Variants in CPSF1 observed in about 807,000 individuals in gnomAD.
CPSF1 encodes cleavage and polyadenylation specificity factor subunit 1.
CPSF1 carries 106 observed loss-of-function variants against 175.8 expected under a neutral mutation model. That is an observed-to-expected ratio of 0.60 (90% CI 0.52 to 0.71). The LOEUF (loss-of-function observed/expected upper bound fraction) is 0.71. Ranked by LOEUF, CPSF1 falls within the 30% of genes least tolerant of loss-of-function variation. The probability of loss-of-function intolerance (pLI) is 0.00; values close to 1 mark genes in which losing one functional copy is unlikely to be tolerated. For missense variants in CPSF1, 1,734 were observed against 2,022.9 expected (o/e 0.86, Z 2.74); for synonymous variants, 1,024 against 858.3 (o/e 1.19, Z -3.37).
intron 2 of CPSF1, among the ~76,000 whole-genome samples, chr8:144,406,653 A>G (rs1031289006): frequency 6.6e-6 from 1 of 152,284 alleles, no homozygotes; most frequent in Non-Finnish European, 1.5e-5. Flanking sequence ...ACTCTTGCAC[A>G]CACCCTCCTG....
At position 144,395,340 on chromosome 8, in the gene CPSF1, T is replaced by C. The variant is rs1820650341; in HGVS notation, c.3112A>G (p.Thr1038Ala). The change falls in exon 28 of 38, where the codon ACC (threonine) becomes GCC (alanine). Residue 1038 changes from threonine to alanine, a missense_variant. Physicochemically the swap from Thr to Ala is moderately conservative, Grantham distance 58. Transcript: ENST00000616140. Reference sequence around the variant, plus strand: ...CGGGCACACGGCGTGTTGGTGCTGGTGGCCACAGCATACACCTGTGGGTTA... The same window carrying C: ...CGGGCACACGGCGTGTTGGTGCTGGCGGCCACAGCATACACCTGTGGGTTA... Reference protein sequence around the residue: ...HVESKVYAVATSTNTPCARIP... With the variant: ...HVESKVYAVAASTNTPCARIP... 6.2e-7 allele frequency: 1 copy of C among 1,611,610 alleles called. No homozygotes were observed. The highest frequency in any genetic ancestry group is 8.5e-7 in the Non-Finnish European group (1 of 1,179,772).
intron 2 of CPSF1, among the ~76,000 whole-genome samples, chr8:144,405,564 C>T (rs1204623219): frequency 6.6e-6 from 1 of 151,994 alleles, no homozygotes; most frequent in Non-Finnish European, 1.5e-5. Flanking sequence ...GCAGAGGTTG[C>T]AGTGAGCTGA....
At position 144,393,383 on chromosome 8, in the gene CPSF1, G is replaced by A. The variant is rs1554861960; in HGVS notation, c.4285-18C>T. On this transcript the variant is annotated intron_variant, in intron 37 of 37. Transcript: ENST00000616140. Reference sequence around the variant, plus strand: ...TCCAGGATCTGCAGGGGATGGAAGGGTGGGTGGGTGGGTGGGTGGGGATGC... The same window carrying A: ...TCCAGGATCTGCAGGGGATGGAAGGATGGGTGGGTGGGTGGGTGGGGATGC... 1.6e-5 allele frequency: 12 copies of A among 754,518 alleles called. No homozygotes were observed. The highest frequency in any genetic ancestry group is 3.9e-5 in the East Asian group (1 of 25,930). 46.7% of individuals were successfully genotyped at this position (754,518 alleles called of 1,614,324 possible). A position where few individuals can be genotyped will look rare whatever the true frequency, so the allele number is the denominator to read the frequency against.
rs782221431 is a variant in CPSF1, at chr8:144,397,198, C to T, written c.2592+9G>A. 1.8e-5 allele frequency: 28 copies of T among 1,530,162 alleles called. No individual in the cohort carries two copies. Among genetic ancestry groups the T allele is most frequent in the African/African-American group, 9.6e-5 (7 of 72,724 alleles). The allele number at this position is 1,530,162 out of a possible 1,614,324, so 94.8% of individuals were successfully genotyped here. ...GATGGGAAGGGGAGGCCAGGCCAGG[C>T]GCACTCACCAGCAGGTAGGGCCTGC... On this transcript the variant is annotated intron_variant, in intron 23 of 37. Coordinates refer to ENST00000616140, the MANE Select transcript of CPSF1 (RefSeq NM_013291.3).
chr8:144,393,329 C>T lies in CPSF1; in HGVS notation c.4321G>A (p.Ala1441Thr), dbSNP rs1240931460. 6.7e-7 allele frequency: 1 copy of T among 1,494,118 alleles called. No individual in the cohort carries two copies. Among genetic ancestry groups the T allele is most frequent in the Non-Finnish European group, 9.0e-7 (1 of 1,115,306 alleles). The allele number at this position is 1,494,118 out of a possible 1,614,324, so 92.6% of individuals were successfully genotyped here. ...DDLLETDRVTAHF is the reference protein window; with the variant it reads ...DDLLETDRVTTHF ...CGGCATCCACGGGGCTAGAAGTGGG[C>T]GGTGACGCGGTCCGTCTCCAGCAAG... The change falls in exon 38 of 38, where the codon GCC becomes ACC. Residue 1441 changes from alanine (A) to threonine (T), a missense_variant. Ala to Thr is a moderately conservative substitution (Grantham distance 58). Coordinates refer to ENST00000616140, the MANE Select transcript of CPSF1 (RefSeq NM_013291.3).
rs2116862728 is a variant in CPSF1 at position 144,399,446 on chromosome 8, C to T, written c.1294+6G>A. 1.9e-6 allele frequency: 3 copies of T among 1,612,896 alleles called. No homozygotes were observed. Among genetic ancestry groups the T allele is most frequent in the East Asian group, 4.5e-5 (2 of 44,888 alleles). ...CGCTCCTGACCAGCCCTGGACCGGC[C>T]CTCACCTGACCAGCCGGCCGTCGCA... On this transcript the variant is annotated splice_donor_region_variant and intron_variant, in intron 13 of 37. Transcript: ENST00000616140. The surrounding 1 kb of genome is among the most constrained non-coding windows in gnomAD (Gnocchi z 6.4).
intron 9 of CPSF1, 31 bp downstream of exon 9, chr8:144,400,135 G>GGGGGGGGCCCCCCCCCCCCCCCCCCCCCC: frequency 5.6e-6 from 5 of 896,010 alleles, no homozygotes; most frequent in African/African-American, 2.3e-5. Context: ...CCGTCCCCGG[G>GGGGGGGGCCCCCCCCCCCCCCCCCCCCCC]CCCCCCCCGC....
rs150747740 is a variant in CPSF1 at position 144,398,080 on chromosome 8, G to A, written c.1947C>T (p.Cys649=). 1.6e-4 allele frequency: 256 copies of A among 1,611,462 alleles called. No individual in the cohort carries two copies. Among genetic ancestry groups the A allele is most frequent in the Non-Finnish European group, 2.0e-4 (237 of 1,179,280 alleles). ...TGACCACATAGGGGTCGGCCACGGC[G>A]CACTGCACGATGGGGGCGCCCAGGT... The part of the protein sequence containing the change: ...PVDLGAPIVQ[C]AVADPYVVIM... Residue 649 remains cysteine (C), a synonymous_variant, in exon 20 of 38, where the codon TGC becomes TGT. Transcript: ENST00000616140.
intron 9 of CPSF1, 27 bp downstream of exon 9, chr8:144,400,139 C>CA: frequency 1.6e-6 from 2 of 1,221,760 alleles, no homozygotes; most frequent in Non-Finnish European, 2.3e-6. Context: ...CCCCGGGCCC[C>CA]CCCCGCCCCA....
At position 144,393,942 on chromosome 8, in the gene CPSF1, G is replaced by T. The variant is rs782436921; in HGVS notation, c.3956C>A (p.Ala1319Asp). 1 of 1,613,534 alleles carries T rather than the reference G, an allele frequency of 6.2e-7. No homozygotes were observed. Among genetic ancestry groups the T allele is most frequent in the South Asian group, 1.1e-5 (1 of 91,046 alleles). ...CGACTTTTTGCTGAGCCCTTCAGTG[G>T]CCCCCCGGCACGGGGTCCTCCAGAA... Reference protein sequence around the residue: ...NTFWRTPCRGATEGLSKKSVV... With the variant: ...NTFWRTPCRGDTEGLSKKSVV... The change falls in exon 35 of 38, where the codon GCC (alanine) becomes GAC (aspartate). Residue 1319 changes from alanine (A) to aspartate (D), a missense_variant. By Grantham distance (126) the Ala-to-Asp change is moderately radical. Around this residue, in one of 10 missense-constraint regions of CPSF1, gnomAD observed 323 missense variants for 338.5 expected, o/e 0.95. Transcript: ENST00000616140.
Position 144,395,552 on chromosome 8 carries a change from C to A in CPSF1, c.2980-1G>T. 2.2e-6 allele frequency: 1 copy of A among 451,448 alleles called. No individual in the cohort carries two copies. Among genetic ancestry groups the A allele is most frequent in the Admixed American group, 2.6e-5 (1 of 39,158 alleles). The allele number at this position is 451,448 out of a possible 1,614,324, so 28.0% of individuals were successfully genotyped here. On this transcript the variant is annotated splice_acceptor_variant, in intron 26 of 37. Transcript: ENST00000616140. LOFTEE classifies it high-confidence loss of function. ...GCAGGACACTGATCCTCAGCTCGCC[C>A]TGGGGTGGGGGCACAGGGGTCAGGG...
chr8:144,397,156 G>C (rs782744636), intron 23 of CPSF1, 51 bp downstream of exon 23: 1 of 1,484,454 alleles, frequency 6.7e-7, no homozygotes, highest in East Asian at 2.5e-5. Context: ...TGGGGGAACG[G>C]GCAGGGCCAG....
chr8:144,401,290 A>G lies in CPSF1; in HGVS notation c.308T>C (p.Leu103Pro). 1.3e-6 allele frequency: 2 copies of G among 1,566,722 alleles called. No individual in the cohort carries two copies. The highest frequency in any genetic ancestry group is 1.7e-6 in the Non-Finnish European group (2 of 1,156,320). Residue 103 changes from leucine (L) to proline (P), a missense_variant and splice_region_variant, in exon 5 of 38, where the codon CTG (leucine) becomes CCG (proline). This residue lies in a region of CPSF1 where 122 missense variants were observed against 177.2 expected (regional missense o/e 0.69). Coordinates refer to ENST00000616140, the MANE Select transcript of CPSF1 (RefSeq NM_013291.3). ...ALLLSFKDAKLSVVEYDPGTH... is the reference protein window; with the variant it reads ...ALLLSFKDAKPSVVEYDPGTH... Reference sequence around the variant, plus strand: ...GCCCGGGTCGTACTCCACCACAGACAGCTGCGGTCAGAGGGCACAGCCGTG... The same window carrying G: ...GCCCGGGTCGTACTCCACCACAGACGGCTGCGGTCAGAGGGCACAGCCGTG...
At position 144,405,139 on chromosome 8, in the gene CPSF1, T is replaced by G. The variant is rs1022523598; in HGVS notation, c.145-3466A>C. Among the ~76,000 whole-genome samples the G allele has an allele frequency of 3.3e-5, 5 of 152,132 alleles. No homozygotes were observed. The South Asian group carries it at 8.3e-4, about 25-fold the overall frequency. On this transcript the variant is annotated intron_variant, in intron 2 of 37. Coordinates refer to ENST00000616140, the MANE Select transcript of CPSF1 (RefSeq NM_013291.3). Reference sequence around the variant, plus strand: ...TTCAAAATAAGTCCCTACAAGATACTTTTAGTTACAAAAGGAAGAAATAAC... The same window carrying G: ...TTCAAAATAAGTCCCTACAAGATACGTTTAGTTACAAAAGGAAGAAATAAC...
rs2116885061 is a variant in CPSF1, at chr8:144,401,502, G to C, written c.234C>G (p.Val78=). 2.9e-5 allele frequency: 47 copies of C among 1,614,030 alleles called. No homozygotes were observed. The highest frequency in any genetic ancestry group is 3.7e-5 in the Non-Finnish European group (44 of 1,180,000). ...CCAGCTGCACGCTGGCCATGGACAT[G>C]ACGTTGCCAAAGAAGGAGAAGGAGG... ...LAASFSFFGN[V]MSMASVQLAG... The change falls in exon 4 of 38, where the codon GTC becomes GTG. Residue 78 remains valine, a synonymous_variant. Transcript: ENST00000616140.
At position 144,394,435 on chromosome 8, in the gene CPSF1, T is replaced by C. The variant is rs539862654; in HGVS notation, c.3688A>G (p.Ser1230Gly). 3 of 1,608,420 alleles carry C rather than the reference T, an allele frequency of 1.9e-6. No individual in the cohort carries two copies. The highest frequency in any genetic ancestry group is 2.2e-5 in the East Asian group (1 of 44,722). ...NFILAADVMKSISLLRYQEES... is the reference protein window; with the variant it reads ...NFILAADVMKGISLLRYQEES... ...TCCTGGTAGCGCAGCAGCGAAATGC[T>C]CTTCATGACGTCGGCTGCCAGGATG... is the stretch of plus-strand genomic sequence containing the variant. Residue 1230 changes from serine to glycine, a missense_variant, in exon 32 of 38, where the codon AGC becomes GGC. Ser to Gly is a moderately conservative substitution (Grantham distance 56). This residue lies in a region of CPSF1 where 323 missense variants were observed against 338.5 expected (regional missense o/e 0.95). Coordinates refer to ENST00000616140, the MANE Select transcript of CPSF1 (RefSeq NM_013291.3).
rs1554864251 is a variant in CPSF1, at chr8:144,397,268, G to A, written c.2531C>T (p.Pro844Leu). ...CACCAGCAGCACCTCCTTGACGAGGGGCAGCTCCCCCTGGCGCGTGGCCTC... is the reference window on the plus strand; with the variant it reads ...CACCAGCAGCACCTCCTTGACGAGGAGCAGCTCCCCCTGGCGCGTGGCCTC... ...REEATRQGEL[P>L]LVKEVLLVAL... Residue 844 changes from proline to leucine, a missense_variant, in exon 23 of 38, where the codon CCC becomes CTC. This residue lies in a region of CPSF1 where 585 missense variants were observed against 584.7 expected (regional missense o/e 1.00). Coordinates refer to ENST00000616140, the MANE Select transcript of CPSF1 (RefSeq NM_013291.3). 1.3e-6 allele frequency: 2 copies of A among 1,549,936 alleles called. No homozygotes were observed. Among genetic ancestry groups the A allele is most frequent in the East Asian group, 2.4e-5 (1 of 41,048 alleles).
intron 2 of CPSF1, among the ~76,000 whole-genome samples, chr8:144,407,533 A>G (rs2130782875): frequency 6.6e-6 from 1 of 152,220 alleles, no homozygotes; most frequent in South Asian, 2.1e-4. Context: ...AATACAAAAA[A>G]AAAATTAGCC....
In CPSF1 at chr8:144,396,342, C is replaced by A. The variant is rs782668475; in HGVS notation, c.2979+6G>T. 6 of 1,580,714 alleles carry A rather than the reference C, an allele frequency of 3.8e-6. No homozygotes were observed. Among genetic ancestry groups the A allele is most frequent in the African/African-American group, 1.3e-5 (1 of 74,642 alleles). ...CCAGTGCTGCTGGGAACCGGCCGGG[C>A]CCCACCTGTCTGTTGAAGTACAGGA... On this transcript the variant is annotated splice_donor_region_variant and intron_variant, in intron 26 of 37. Coordinates refer to ENST00000616140, the MANE Select transcript of CPSF1 (RefSeq NM_013291.3).
Sources: allele counts gnomAD v4.1 joint callset (sites outside exome capture counted in the v4.1 genomes callset), GRCh38; gene constraint gnomAD v4.1.1; regional missense constraint gnomAD v4.1.1; non-coding constraint Gnocchi (gnomAD v3.1); transcripts MANE v1.5; gene names NCBI Gene and HGNC (gene_info 2026-07-23, HGNC 2026-07-21).